CPXM2: variants seen among roughly 807,000 people sequenced by gnomAD.
CPXM2 encodes inactive carboxypeptidase-like protein X2.
CPXM2 carries 66 observed loss-of-function variants against 86.1 expected under a neutral mutation model. The observed-to-expected ratio is 0.77, with a 90% CI of 0.63 to 0.94. The LOEUF (loss-of-function observed/expected upper bound fraction) is 0.94, where lower values mean the gene tolerates loss of function less well. Ranked by LOEUF, CPXM2 falls within the 40% of genes least tolerant of loss-of-function variation. CPXM2 has a pLI of 0.00. For missense variants in CPXM2, 948 were observed against 1,026.3 expected (o/e 0.92, Z 1.04); for synonymous variants, 388 against 400.2 (o/e 0.97, Z 0.36).
At chr10:123,748,076 G>A (rs545119450) in intron 13 of CPXM2, among the ~76,000 whole-genome samples, 2 of 152,170 alleles carry the variant, frequency 1.3e-5, no homozygotes, top group Admixed American at 6.5e-5. Context: ...CCACCCACAC[G>A]CAAAAAGACG....
intron 13 of CPXM2, chr10:123,751,939 C>T: frequency 1.0e-6 from 1 of 985,344 alleles, no homozygotes; most frequent in African/African-American, 1.7e-5. Flanking sequence ...GGGCTTGAAA[C>T]TCAGCACCCA....
intron 1 of CPXM2, among the ~76,000 whole-genome samples, chr10:123,881,254 T>TTCCCA: frequency 1.1e-5 from 1 of 94,020 alleles, no homozygotes; most frequent in African/African-American, 5.3e-5. Flanking sequence ...TTCCCTTCCC[T>TTCCCA]TCCCTTCCCT....
At chr10:123,873,387 A>T (rs1200431629) in intron 2 of CPXM2, among the ~76,000 whole-genome samples, 1 of 152,258 alleles carries the variant, frequency 6.6e-6, no homozygotes, top group Non-Finnish European at 1.5e-5. Context: ...GTGGAGAGAT[A>T]TACCATGTTC....
At chr10:123,857,955 A>T (rs1014151206) in intron 3 of CPXM2, among the ~76,000 whole-genome samples, 24 of 151,824 alleles carry the variant, frequency 1.6e-4, no homozygotes, top group African/African-American at 5.1e-4. Flanking sequence ...CTTTACACTC[A>T]CCCGTGACAG....
At chr10:123,922,784 A>G (rs1348738056) in intron 2 of CPXM2, among the ~76,000 whole-genome samples, 1 of 152,236 alleles carries the variant, frequency 6.6e-6, no homozygotes, top group Non-Finnish European at 1.5e-5. Flanking sequence ...AGAGGAATGG[A>G]AGAACTTCAT....
At chr10:123,898,808 G>A (rs1322038902) in intron 2 of CPXM2, among the ~76,000 whole-genome samples, 3 of 152,078 alleles carry the variant, frequency 2.0e-5, no homozygotes, top group Non-Finnish European at 4.4e-5. Context: ...GCAATGGCAC[G>A]ATCTTGCCTC....
At chr10:123,755,790 C>T (rs187372814) in intron 12 of CPXM2, among the ~76,000 whole-genome samples, 1 of 152,196 alleles carries the variant, frequency 6.6e-6, no homozygotes, top group Non-Finnish European at 1.5e-5. Flanking sequence ...TGACTTTACG[C>T]ATATTTCGAG....
chr10:123,752,189 G>C, intron 13 of CPXM2: 1 of 985,312 alleles, frequency 1.0e-6, no homozygotes, highest in Non-Finnish European at 1.2e-6. Context: ...ACTCTGCGTG[G>C]TCTCTGGCAC....
At chr10:123,852,197 C>T (rs917185705) in intron 3 of CPXM2, among the ~76,000 whole-genome samples, 7 of 152,194 alleles carry the variant, frequency 4.6e-5, no homozygotes, top group African/African-American at 1.7e-4. Context: ...AATGCACCTG[C>T]TCCTCTCCTT....
At chr10:123,780,967 T>C (rs1846919740) in intron 6 of CPXM2, among the ~76,000 whole-genome samples, 1 of 152,242 alleles carries the variant, frequency 6.6e-6, no homozygotes, top group East Asian at 1.9e-4. Context: ...CAGAAGCATG[T>C]TGCCCACTTG....
At chr10:123,752,199 C>T (rs1846094632) in intron 13 of CPXM2, 1 of 985,244 alleles carries the variant, frequency 1.0e-6, no homozygotes, top group African/African-American at 1.7e-5. Flanking sequence ...GTCTCTGGCA[C>T]ATTCCAGCTA....
At chr10:123,810,133 T>C (rs1324171483) in intron 4 of CPXM2, among the ~76,000 whole-genome samples, 1 of 151,862 alleles carries the variant, frequency 6.6e-6, no homozygotes, top group African/African-American at 2.4e-5. Flanking sequence ...ACTAAAAGCA[T>C]TATTAGAGAT....
intron 2 of CPXM2, among the ~76,000 whole-genome samples, chr10:123,910,321 C>T (rs1945477887): frequency 6.6e-6 from 1 of 152,086 alleles, no homozygotes. Flanking sequence ...CATTTGCGGC[C>T]CTGGAGGTAG....
chr10:123,906,125 T>C (rs1945437663), intron 2 of CPXM2, among the ~76,000 whole-genome samples: 1 of 152,182 alleles, frequency 6.6e-6, no homozygotes, highest in Non-Finnish European at 1.5e-5. Context: ...TGTCTGCTCC[T>C]GCACCCATCT....
chr10:123,812,141 A>C (rs2134094369), intron 4 of CPXM2, among the ~76,000 whole-genome samples: 1 of 152,300 alleles, frequency 6.6e-6, no homozygotes, highest in Non-Finnish European at 1.5e-5. Flanking sequence ...CATTATTCTT[A>C]AGAGAAAATT....
chr10:123,818,592 C>T (rs890346123), intron 4 of CPXM2, among the ~76,000 whole-genome samples: 1 of 152,248 alleles, frequency 6.6e-6, no homozygotes, highest in Admixed American at 6.5e-5. Context: ...GCCTTATCCA[C>T]TGTCACGGTA....
chr10:123,768,668 C>T lies in CPXM2; in HGVS notation c.1157G>A (p.Arg386Gln), dbSNP rs201470381. Residue 386 changes from arginine to glutamine, a missense_variant, in exon 9 of 14, where the codon CGG becomes CAG. Physicochemically the swap from Arg to Gln is conservative, Grantham distance 43. Transcript: ENST00000241305. ...CTGCACCAGCAGCAGCAGCAGCTCC[C>T]GGCCCAGCACCTCATTGCCGTGGGC... is the stretch of plus-strand genomic sequence containing the variant. ...AGAHGNEVLG[R>Q]ELLLLLVQFV... 2.0e-5 allele frequency: 32 copies of T among 1,612,830 alleles called. No individual in the cohort carries two copies. The highest frequency in any genetic ancestry group is 3.3e-4 in the Middle Eastern group (2 of 6,062).
Position 123,862,828 on chromosome 10 carries a change from C to T in CPXM2, c.404-105G>A, listed in dbSNP as rs199845657. The T allele has an allele frequency of 2.5e-4, 220 of 891,828 alleles. 2 individuals carry two copies. The East Asian group carries it at 5.6e-3, about 23-fold the overall frequency. 55.2% of individuals were successfully genotyped at this position (891,828 alleles called of 1,614,324 possible). ...TGCTTTTCCATTTTCCCCTGAACTC[C>T]CACCCACAGGCATGCCTGGTCTTTC... is the stretch of plus-strand genomic sequence containing the variant. On this transcript the variant is annotated intron_variant, in intron 2 of 13. Coordinates refer to ENST00000241305, the MANE Select transcript of CPXM2 (RefSeq NM_198148.3).
At chr10:123,766,255 C>T (rs1846470041) in intron 10 of CPXM2, among the ~76,000 whole-genome samples, 1 of 152,162 alleles carries the variant, frequency 6.6e-6, no homozygotes, top group African/African-American at 2.4e-5. Context: ...TACCAGGTTT[C>T]TACTTGGCAC....
Sources: allele counts gnomAD v4.1 joint callset (sites outside exome capture counted in the v4.1 genomes callset), GRCh38; gene constraint gnomAD v4.1.1; transcripts MANE v1.5; gene names NCBI Gene and HGNC (gene_info 2026-07-23, HGNC 2026-07-21).